AP3B1: variants seen among roughly 807,000 people sequenced by gnomAD.
The protein encoded by AP3B1 is adaptor related protein complex 3 subunit beta 1.
In AP3B1, 61 loss-of-function variants were observed where a neutral mutation model predicts 132.5. The observed-to-expected ratio is 0.46, with a 90% confidence interval of 0.37 to 0.57. The LOEUF is 0.57. Among genes scored for constraint, AP3B1 ranks in the 20% least tolerant of loss-of-function variants. The pLI, the probability that AP3B1 is intolerant of heterozygous loss-of-function variation, is 0.00. For missense variants in AP3B1, 1,120 were observed against 1,289.4 expected (o/e 0.87, Z 2.01); for synonymous variants, 388 against 438.3 (o/e 0.89, Z 1.43).
At chr5:78,043,460 C>A in intron 22 of AP3B1, 2 of 227,362 alleles carry the variant, frequency 8.8e-6, no homozygotes, top group South Asian at 6.7e-5. Context: ...CCTTTCTCTT[C>A]CTCTGCCTAT....
chr5:78,097,889 T>C (rs1268489333), intron 21 of AP3B1, among the ~76,000 whole-genome samples: 1 of 152,232 alleles, frequency 6.6e-6, no homozygotes, highest in Non-Finnish European at 1.5e-5. Context: ...GGTGTCTGTG[T>C]AGAAAGAGGT....
At chr5:78,165,695 T>G in intron 11 of AP3B1, 23 bp from the exon 12 acceptor site, 1 of 1,491,820 alleles carries the variant, frequency 6.7e-7, no homozygotes, top group Non-Finnish European at 9.3e-7. Context: ...AAAGAGAAAG[T>G]AAACATTTTA....
chr5:78,058,414 C>T (rs1748903980), intron 22 of AP3B1, among the ~76,000 whole-genome samples: 2 of 151,966 alleles, frequency 1.3e-5, no homozygotes, highest in African/African-American at 2.4e-5. Flanking sequence ...GCAGGAGAAT[C>T]GCTTGAACCC....
At chr5:78,038,885 T>C (rs1273654497) in intron 23 of AP3B1, among the ~76,000 whole-genome samples, 158 bp downstream of exon 23, 1 of 152,168 alleles carries the variant, frequency 6.6e-6, no homozygotes. Flanking sequence ...ATAAATTCAG[T>C]TTAACAAGAA....
At chr5:78,210,744 G>C (rs776073316) in intron 7 of AP3B1, among the ~76,000 whole-genome samples, 1 of 152,130 alleles carries the variant, frequency 6.6e-6, no homozygotes, top group Non-Finnish European at 1.5e-5. Flanking sequence ...CCCAGTGTCA[G>C]AGTTTCCTTT....
intron 17 of AP3B1, among the ~76,000 whole-genome samples, chr5:78,123,589 A>G (rs1353418147): frequency 2.0e-5 from 3 of 152,264 alleles, no homozygotes; most frequent in Non-Finnish European, 4.4e-5. Context: ...CAAAAAACAC[A>G]TGAAAAAATG....
At chr5:78,019,435 A>G (rs1227714436) in intron 25 of AP3B1, among the ~76,000 whole-genome samples, 1 of 152,178 alleles carries the variant, frequency 6.6e-6, no homozygotes. Flanking sequence ...TAAATGTGCC[A>G]AAGCCTTATT....
At chr5:78,029,644 G>T (rs1334333485) in intron 24 of AP3B1, among the ~76,000 whole-genome samples, 1 of 152,074 alleles carries the variant, frequency 6.6e-6, no homozygotes, top group Non-Finnish European at 1.5e-5. Context: ...AACTGACCAA[G>T]TTTTAAACAT....
At chr5:78,203,128 G>C (rs1745364955) in intron 7 of AP3B1, among the ~76,000 whole-genome samples, 1 of 152,136 alleles carries the variant, frequency 6.6e-6, no homozygotes, top group Non-Finnish European at 1.5e-5. Context: ...TAAATAATGA[G>C]TCACTTCTCT....
intron 22 of AP3B1, among the ~76,000 whole-genome samples, chr5:78,084,468 G>C (rs559349822): frequency 7.7e-6 from 1 of 129,972 alleles, no homozygotes; most frequent in South Asian, 2.5e-4. Context: ...AGGTTGCAGT[G>C]AGCCAAGATC....
Position 78,003,009 on chromosome 5 carries a change from C to G in AP3B1, c.3178G>C (p.Val1060Leu), listed in dbSNP as rs753428510. The change falls in exon 27 of 27, where the codon GTG (valine) becomes CTG (leucine). Residue 1060 changes from valine (V) to leucine (L), a missense_variant. Coordinates refer to ENST00000255194, the MANE Select transcript of AP3B1 (RefSeq NM_003664.5). ...GCTGTAGAGCCTTCCTTCAGTTCCA[C>G]TGTGACTAGCATCAATGACCCACTG... is the stretch of plus-strand genomic sequence containing the variant. ...VHSGSLMLVT[V>L]ELKEGSTAQL... The G allele has an allele frequency of 6.2e-7, 1 of 1,614,214 alleles. No individual in the cohort carries two copies. The highest frequency in any genetic ancestry group is 1.7e-5 in the Admixed American group (1 of 60,032).
chr5:78,193,079 C>G (rs190649262), intron 7 of AP3B1, among the ~76,000 whole-genome samples: 29 of 152,246 alleles, frequency 1.9e-4, no homozygotes, highest in Non-Finnish European at 3.7e-4. Context: ...TCAGAAAACT[C>G]AGATATATTT....
chr5:78,230,030 A>G (rs1236407125), intron 3 of AP3B1, among the ~76,000 whole-genome samples: 1 of 152,136 alleles, frequency 6.6e-6, no homozygotes, highest in Non-Finnish European at 1.5e-5. Context: ...GACACTACAA[A>G]CTACAAATAA....
At chr5:78,236,455 T>A (rs543618300) in intron 3 of AP3B1, among the ~76,000 whole-genome samples, 1 of 152,242 alleles carries the variant, frequency 6.6e-6, no homozygotes, top group African/African-American at 2.4e-5. Context: ...GAGGGAGGAA[T>A]CATCAAACAG....
At chr5:78,225,433 A>G (rs1486075042) in intron 6 of AP3B1, 109 bp downstream of exon 6, 2 of 607,576 alleles carry the variant, frequency 3.3e-6, no homozygotes, top group Non-Finnish European at 5.4e-6. Flanking sequence ...ATTAATATTT[A>G]TACCATTTTG....
At chr5:78,241,267 T>C (rs906551199) in intron 2 of AP3B1, among the ~76,000 whole-genome samples, 3 of 151,640 alleles carry the variant, frequency 2.0e-5, no homozygotes, top group African/African-American at 7.3e-5. Flanking sequence ...GGCTCAATCA[T>C]AGCTCACGGC....
chr5:78,007,665 G>C (rs1427493463), intron 26 of AP3B1, among the ~76,000 whole-genome samples: 1 of 152,158 alleles, frequency 6.6e-6, no homozygotes, highest in Non-Finnish European at 1.5e-5. Context: ...TAGTGATTTG[G>C]AGCGCTATCT....
chr5:78,128,687 A>G (rs16875174), intron 16 of AP3B1, among the ~76,000 whole-genome samples: 215 of 152,204 alleles, frequency 1.4e-3, no homozygotes, highest in African/African-American at 5.0e-3. Flanking sequence ...TCTTTGAAAA[A>G]CCAGTTTAAA....
chr5:78,045,614 A>G (rs1748298754), intron 22 of AP3B1, among the ~76,000 whole-genome samples: 1 of 152,184 alleles, frequency 6.6e-6, no homozygotes, highest in African/African-American at 2.4e-5. Context: ...TTTAGACTTT[A>G]GTTCAATATT....
Sources: allele counts gnomAD v4.1 joint callset (sites outside exome capture counted in the v4.1 genomes callset), GRCh38; gene constraint gnomAD v4.1.1; transcripts MANE v1.5; gene names NCBI Gene and HGNC (gene_info 2026-07-23, HGNC 2026-07-21).